WDPCP: variants seen among roughly 807,000 people sequenced by gnomAD.
The protein encoded by WDPCP is WD repeat containing planar cell polarity effector, also known as WD repeat-containing and planar cell polarity effector protein fritz homolog.
A neutral mutation model predicts 93.1 loss-of-function variants in WDPCP; 71 were observed. The observed-to-expected ratio is 0.76, with a 90% CI of 0.63 to 0.93. The LOEUF (loss-of-function observed/expected upper bound fraction) is 0.93, where lower values mean the gene tolerates loss of function less well. Among genes scored for constraint, WDPCP ranks in the 40% least tolerant of loss-of-function variants. The probability of loss-of-function intolerance (pLI) is 0.00; values close to 1 mark genes in which losing one functional copy is unlikely to be tolerated. For missense variants in WDPCP, 844 were observed against 887.4 expected, an observed-to-expected ratio of 0.95 and a Z score of 0.62; for synonymous variants, 315 against 315.0, an observed-to-expected ratio of 1.00 and a Z score of 0.00.
intron 17 of WDPCP, among the ~76,000 whole-genome samples, chr2:63,123,563 A>T (rs958884945): frequency 6.6e-6 from 1 of 152,066 alleles, no homozygotes; most frequent in Non-Finnish European, 1.5e-5. Flanking sequence ...TTTCTTTAAA[A>T]TCCATTGCAT....
In WDPCP at chr2:63,216,257, C is replaced by T. The variant is rs371867149; in HGVS notation, c.1916-41425G>A. Among the ~76,000 whole-genome samples the T allele has an allele frequency of 1.3e-3, 194 of 152,222 alleles. 1 individual carries two copies. The highest frequency in any genetic ancestry group is 6.8e-3 in the Middle Eastern group (2 of 294). Reference sequence around the variant, plus strand: ...ATGCTGCTATAAAGACACATGCACACGTATGTTTATTGCAACACTATTCAC... The same window carrying T: ...ATGCTGCTATAAAGACACATGCACATGTATGTTTATTGCAACACTATTCAC... On this transcript the variant is annotated intron_variant, in intron 14 of 17. Transcript: ENST00000272321.
At chr2:63,154,260 A>T (rs1286784960) in intron 15 of WDPCP, among the ~76,000 whole-genome samples, 1 of 152,068 alleles carries the variant, frequency 6.6e-6, no homozygotes, top group African/African-American at 2.4e-5. Context: ...AACAGAATAT[A>T]GAACAGTTTC....
At chr2:63,400,434 A>G (rs897690788) in intron 10 of WDPCP, among the ~76,000 whole-genome samples, 4 of 152,210 alleles carry the variant, frequency 2.6e-5, no homozygotes, top group Non-Finnish European at 5.9e-5. Context: ...TGAATAGAGT[A>G]AACAGACAAC....
chr2:63,822,796 G>C (rs930262215), intron 1 of WDPCP, among the ~76,000 whole-genome samples: 1 of 151,700 alleles, frequency 6.6e-6, no homozygotes, highest in Admixed American at 6.6e-5. Flanking sequence ...TGAAGTGGGA[G>C]GATTGCTTGA....
chr2:63,207,799 T>A (rs1251828995), intron 14 of WDPCP, among the ~76,000 whole-genome samples: 1 of 152,040 alleles, frequency 6.6e-6, no homozygotes, highest in Non-Finnish European at 1.5e-5. Context: ...TTCTTAAGAG[T>A]TTTTCAGGAT....
upstream of WDPCP, among the ~76,000 whole-genome samples, chr2:63,830,266 T>G (rs1028439785): frequency 1.3e-5 from 2 of 152,252 alleles, no homozygotes; most frequent in Admixed American, 1.3e-4. Context: ...ACCTTTTTAT[T>G]GCACACCTTC....
intron 12 of WDPCP, among the ~76,000 whole-genome samples, chr2:63,349,799 A>G (rs1262519792): frequency 1.3e-5 from 2 of 152,148 alleles, no homozygotes; most frequent in African/African-American, 4.8e-5. Context: ...GGCTAGCTCT[A>G]CCCCCTGGTT....
chr2:63,152,892 A>T (rs763548235), intron 17 of WDPCP, 22 bp downstream of exon 17: 4 of 1,606,774 alleles, frequency 2.5e-6, no homozygotes, highest in African/African-American at 1.3e-5. Flanking sequence ...ATGTCTAGTA[A>T]TAAACAGAGA....
chr2:63,761,001 G>A (rs1356738341), intron 2 of WDPCP, among the ~76,000 whole-genome samples: 1 of 152,182 alleles, frequency 6.6e-6, no homozygotes, highest in Non-Finnish European at 1.5e-5. Flanking sequence ...TTGGCTTGGG[G>A]TGGGAGGTGA....
At chr2:63,646,123 A>G (rs1710046499) in intron 3 of WDPCP, among the ~76,000 whole-genome samples, 1 of 151,948 alleles carries the variant, frequency 6.6e-6, no homozygotes, top group South Asian at 2.1e-4. Context: ...AATTTTCTCT[A>G]ATGATATGAT....
chr2:63,237,170 A>G (rs1422299539), intron 14 of WDPCP, among the ~76,000 whole-genome samples: 2 of 152,144 alleles, frequency 1.3e-5, no homozygotes, highest in Non-Finnish European at 2.9e-5. Context: ...AAAGTGGGCA[A>G]AGGACATGAA....
Position 63,382,054 on chromosome 2 carries a change from G to A in WDPCP, c.1476C>T (p.Ile492=). ...TCTCATCACAGTGAATGTACTGGAA[G>A]ATGATGTCTATCAGGCCCAGCTGTC... ...TRGQLGLIDI[I]FQYIHCDEIY... Residue 492 remains isoleucine, a synonymous_variant, in exon 11 of 18, where the codon ATC becomes ATT. Transcript: ENST00000272321. 6.2e-7 allele frequency: 1 copy of A among 1,613,306 alleles called. No individual in the cohort carries two copies. Among genetic ancestry groups the A allele is most frequent in the Non-Finnish European group, 8.5e-7 (1 of 1,179,662 alleles).
intron 1 of WDPCP, among the ~76,000 whole-genome samples, chr2:63,580,069 T>G (rs973459906): frequency 3.3e-5 from 5 of 152,176 alleles, no homozygotes; most frequent in Non-Finnish European, 7.3e-5. Flanking sequence ...TGCCACACTC[T>G]TGGACTTCCA....
Position 63,404,462 on chromosome 2 carries a change from T to C in WDPCP, c.1021A>G (p.Ile341Val), listed in dbSNP as rs1353827994. ...TCAGTAACATTCCTGCAGCAGCTGA[T>C]GGCCTTTGACTTTAGTGGTATTCTG... Reference protein sequence around the residue: ...VTRIPLKSKAISCCRNVTEDK... With the variant: ...VTRIPLKSKAVSCCRNVTEDK... Residue 341 changes from isoleucine to valine, a missense_variant, in exon 10 of 18, where the codon ATC (isoleucine) becomes GTC (valine). Physicochemically the swap from Ile to Val is conservative, Grantham distance 29 (BLOSUM62 3). Coordinates refer to ENST00000272321, the MANE Select transcript of WDPCP (RefSeq NM_015910.7). The C allele has an allele frequency of 2.5e-6, 4 of 1,614,046 alleles. No individual in the cohort carries two copies. The highest frequency in any genetic ancestry group is 4.5e-5 in the East Asian group (2 of 44,886).
upstream of WDPCP, among the ~76,000 whole-genome samples, chr2:63,592,324 A>C (rs1256484442): frequency 7.2e-5 from 11 of 152,218 alleles, no homozygotes; most frequent in African/African-American, 2.7e-4. Context: ...ATATATGAAT[A>C]AAATACCTTT....
Position 63,594,623 on chromosome 2 carries a change from G to C in WDPCP, n.488+56036C>G, listed in dbSNP as rs544404343. 53 of 1,376,902 alleles carry C rather than the reference G, an allele frequency of 3.8e-5. No individual in the cohort carries two copies. In the Admixed American group the frequency reaches 8.0e-4, roughly 21 times the overall value. 85.3% of individuals were successfully genotyped at this position (1,376,902 alleles called of 1,614,324 possible). A position where few individuals can be genotyped will look rare whatever the true frequency, so the allele number is the denominator to read the frequency against. On this transcript the variant is annotated intron_variant and non_coding_transcript_variant, in intron 3 of 4. Coordinates refer to the WDPCP transcript ENST00000467687. ...TGTCTATAAATCTTAAGTTATTAGA[G>C]TAAGAATATGGTTAATAAAAATCTG... is the stretch of plus-strand genomic sequence containing the variant.
chr2:63,762,505 C>T (rs533454064), intron 2 of WDPCP, among the ~76,000 whole-genome samples: 1 of 152,086 alleles, frequency 6.6e-6, no homozygotes, highest in Non-Finnish European at 1.5e-5. Flanking sequence ...TTGCCTATAA[C>T]AGAATACCTG....
chr2:63,254,494 AG>A (rs1262631472), intron 14 of WDPCP, among the ~76,000 whole-genome samples: 1 of 152,188 alleles, frequency 6.6e-6, no homozygotes, highest in African/African-American at 2.4e-5. Context: ...TACTTAACAT[AG>A]GACACTATAT....
intron 17 of WDPCP, among the ~76,000 whole-genome samples, chr2:63,136,011 G>A (rs1670592792): frequency 6.6e-6 from 1 of 152,212 alleles, no homozygotes; most frequent in South Asian, 2.1e-4. Flanking sequence ...AGGATTACAG[G>A]TGTGAGCCAC....
Sources: allele counts gnomAD v4.1 joint callset (sites outside exome capture counted in the v4.1 genomes callset), GRCh38; gene constraint gnomAD v4.1.1; transcripts MANE v1.5; gene names NCBI Gene and HGNC (gene_info 2026-07-23, HGNC 2026-07-21).